EXOC4: variants seen among roughly 807,000 people sequenced by gnomAD.
The protein encoded by EXOC4 is SEC8-like 1.
In EXOC4, 71 loss-of-function variants were observed where a neutral mutation model predicts 107.2. The observed-to-expected ratio is 0.66, with a 90% CI of 0.55 to 0.81. The LOEUF (loss-of-function observed/expected upper bound fraction) is 0.81, where lower values mean the gene tolerates loss of function less well. Ranked by LOEUF, EXOC4 falls within the 30% of genes least tolerant of loss-of-function variation. EXOC4 has a pLI of 0.00. For synonymous variants in EXOC4, 456 were observed against 441.2 expected, an observed-to-expected ratio of 1.03 and a Z score of -0.42; for missense variants, 1,108 against 1,189.6, an observed-to-expected ratio of 0.93 and a Z score of 1.01.
intron 9 of EXOC4, among the ~76,000 whole-genome samples, chr7:133,558,241 C>CTTTTCTTTTCTT (rs2150948384): frequency 6.9e-6 from 1 of 144,134 alleles, no homozygotes; most frequent in South Asian, 2.1e-4. Flanking sequence ...CTTTTCTTTT[C>CTTTTCTTTTCTT]TTTTCTTTTC....
intron 10 of EXOC4, among the ~76,000 whole-genome samples, chr7:133,765,380 A>G (rs1796114506): frequency 6.6e-6 from 1 of 152,044 alleles, no homozygotes; most frequent in Non-Finnish European, 1.5e-5. Flanking sequence ...TTGAATGCAG[A>G]GTAGATCATA....
chr7:133,442,985 T>A (rs1798137086), intron 7 of EXOC4, among the ~76,000 whole-genome samples: 1 of 151,952 alleles, frequency 6.6e-6, no homozygotes. Context: ...TACAGAGGAG[T>A]GTAATGACAA....
At chr7:133,284,209 T>G (rs1794223696) in intron 2 of EXOC4, among the ~76,000 whole-genome samples, 1 of 152,200 alleles carries the variant, frequency 6.6e-6, no homozygotes, top group Non-Finnish European at 1.5e-5. Flanking sequence ...AGTGACACAA[T>G]TGTCTTTTTC....
chr7:134,058,328 G>T (rs1462259145), intron 17 of EXOC4, among the ~76,000 whole-genome samples: 1 of 152,148 alleles, frequency 6.6e-6, no homozygotes, highest in Non-Finnish European at 1.5e-5. Flanking sequence ...TTTATCTTGG[G>T]AAGGACTACA....
At chr7:133,918,749 G>T (rs2116641092) in intron 13 of EXOC4, among the ~76,000 whole-genome samples, 1 of 152,262 alleles carries the variant, frequency 6.6e-6, no homozygotes, top group South Asian at 2.1e-4. Flanking sequence ...TTATAGAGCT[G>T]TGTAAAGTAG....
At chr7:133,670,303 C>A (rs943585276) in intron 10 of EXOC4, among the ~76,000 whole-genome samples, 4 of 152,118 alleles carry the variant, frequency 2.6e-5, no homozygotes, top group Non-Finnish European at 4.4e-5. Context: ...CTCACTTGTA[C>A]GATGGAGCAA....
chr7:133,855,886 T>TTTAA (rs1347891959), intron 11 of EXOC4, among the ~76,000 whole-genome samples: 1 of 152,200 alleles, frequency 6.6e-6, no homozygotes, highest in Non-Finnish European at 1.5e-5. Context: ...GGCACCTAGT[T>TTTAA]TTAAGCCTTT....
Position 134,064,416 on chromosome 7 carries a change from G to T in EXOC4, c.2813G>T (p.Gly938Val). Residue 938 changes from glycine (G) to valine (V), a missense_variant, in exon 18 of 18, where the codon GGG (glycine) becomes GTG (valine). Physicochemically the swap from Gly to Val is moderately radical, Grantham distance 109 (BLOSUM62 -3). Coordinates refer to ENST00000253861, the MANE Select transcript of EXOC4 (RefSeq NM_021807.4). ...ALTLLHRSQTGVGELTTQNTR... is the reference protein window; with the variant it reads ...ALTLLHRSQTVVGELTTQNTR... ...ACCCTGCTGCACCGCAGCCAGACTG[G>T]GGTGGGGGAACTGACCACCCAGAAC... 5 of 1,607,598 alleles carry T rather than the reference G, an allele frequency of 3.1e-6. No individual in the cohort carries two copies. Among genetic ancestry groups the T allele is most frequent in the Non-Finnish European group, 4.2e-6 (5 of 1,176,568 alleles).
At chr7:133,865,783 T>C (rs1184901493) in intron 11 of EXOC4, among the ~76,000 whole-genome samples, 1 of 151,882 alleles carries the variant, frequency 6.6e-6, no homozygotes, top group Non-Finnish European at 1.5e-5. Context: ...GAGAACTCAC[T>C]AACTATCACG....
At chr7:133,809,502 C>T (rs1488629048) in intron 10 of EXOC4, among the ~76,000 whole-genome samples, 2 of 152,110 alleles carry the variant, frequency 1.3e-5, no homozygotes, top group African/African-American at 2.4e-5. Flanking sequence ...TTCAGAGCTT[C>T]TCAGTAAGGA....
At chr7:133,810,237 C>A (rs1265734582) in intron 10 of EXOC4, among the ~76,000 whole-genome samples, 1 of 152,192 alleles carries the variant, frequency 6.6e-6, no homozygotes, top group Non-Finnish European at 1.5e-5. Flanking sequence ...CAGCTGGTAG[C>A]AGCCACAATT....
At chr7:133,525,405 G>A (rs921506060) in intron 9 of EXOC4, among the ~76,000 whole-genome samples, 8 of 152,158 alleles carry the variant, frequency 5.3e-5, no homozygotes, top group African/African-American at 1.7e-4. Flanking sequence ...TTCTGTGTGT[G>A]TATTTCAGAA....
chr7:133,536,528 C>A (rs567025656), intron 9 of EXOC4, among the ~76,000 whole-genome samples: 1 of 151,812 alleles, frequency 6.6e-6, no homozygotes, highest in Admixed American at 6.6e-5. Context: ...TTGTCTACCC[C>A]GTTACCTATT....
At chr7:133,303,009 A>G (rs1381412092) in intron 3 of EXOC4, among the ~76,000 whole-genome samples, 4 of 152,226 alleles carry the variant, frequency 2.6e-5, no homozygotes, top group Non-Finnish European at 5.9e-5. Context: ...AATCTTAGTA[A>G]ATACCTGGAA....
intron 10 of EXOC4, among the ~76,000 whole-genome samples, chr7:133,690,876 T>A (rs1262410834): frequency 6.6e-6 from 1 of 152,106 alleles, no homozygotes; most frequent in Non-Finnish European, 1.5e-5. Flanking sequence ...GATAGGATTA[T>A]TTTAGTAAGG....
chr7:133,435,164 C>T (rs933098734), intron 7 of EXOC4, among the ~76,000 whole-genome samples: 2 of 152,100 alleles, frequency 1.3e-5, no homozygotes, highest in South Asian at 2.1e-4. Context: ...CCTGGTTAAT[C>T]GATGCTTTGG....
chr7:134,008,418 T>C (rs1794693404), intron 17 of EXOC4, among the ~76,000 whole-genome samples: 1 of 152,228 alleles, frequency 6.6e-6, no homozygotes, highest in Non-Finnish European at 1.5e-5. Context: ...AAATATTTCA[T>C]GGTATAAATG....
intron 11 of EXOC4, among the ~76,000 whole-genome samples, chr7:133,835,014 G>C (rs1313304625): frequency 6.6e-6 from 1 of 152,114 alleles, no homozygotes; most frequent in Non-Finnish European, 1.5e-5. Context: ...TGCCATCCAT[G>C]TAAGATGTGA....
At position 133,895,601 on chromosome 7, in the gene EXOC4, C is replaced by T. The variant is rs751185525; in HGVS notation, c.1737C>T (p.Ser579=). 2 of 1,613,736 alleles carry T rather than the reference C, an allele frequency of 1.2e-6. No individual in the cohort carries two copies. The highest frequency in any genetic ancestry group is 2.2e-5 in the South Asian group (2 of 91,006). The part of the protein sequence containing the change: ...VLGVQRPLLQ[S]TIIVEKTVQD... ...CTCTCTTTGTTGTTCATTTCCAGAG[C>T]ACAATCATTGTGGAGAAGACAGTTC... Residue 579 remains serine (S), a splice_region_variant and synonymous_variant, in exon 12 of 18, where the codon AGC becomes AGT. Transcript: ENST00000253861.
Sources: gnomAD v4.1 joint callset for allele counts (sites outside exome capture counted in the v4.1 genomes callset) on GRCh38, gnomAD v4.1.1 for gene constraint, MANE v1.5 for transcripts, NCBI Gene and HGNC (gene_info 2026-07-23, HGNC 2026-07-21) for gene names.